Variants in TRMT9B observed in about 807,000 individuals in gnomAD.
TRMT9B encodes the protein probable tRNA methyltransferase 9B.
TRMT9B carries 16 observed loss-of-function variants against 11.5 expected under a neutral mutation model. The observed-to-expected ratio is 1.39, with a 90% CI of 0.94 to 2.11. The LOEUF (loss-of-function observed/expected upper bound fraction) is 2.11. Among genes scored for constraint, TRMT9B ranks in the 30% most tolerant of loss-of-function variants. The pLI, the probability that TRMT9B is intolerant of heterozygous loss-of-function variation, is 0.00. For missense variants in TRMT9B, 941 were observed against 553.8 expected (o/e 1.70, Z -7.02); for synonymous variants, 274 against 192.4 (o/e 1.42, Z -3.51).
chr8:12,979,860 G>C (rs1006397425), intron 1 of TRMT9B, among the ~76,000 whole-genome samples: 13 of 152,194 alleles, frequency 8.5e-5, no homozygotes, highest in African/African-American at 2.4e-4. Flanking sequence ...CTGGAATACA[G>C]TAGGGACTGT....
rs1190459686 is a variant in TRMT9B at position 13,021,721 on chromosome 8, A to T, written c.1042A>T (p.Asn348Tyr). The change falls in exon 5 of 5, where the codon AAT (asparagine) becomes TAT (tyrosine). Residue 348 changes from asparagine to tyrosine, a missense_variant. Coordinates refer to ENST00000524591, the MANE Select transcript of TRMT9B (RefSeq NM_020844.3). ...QGEMRRNGGG[N>Y]FLDSTNTGVN... ...GGAAATGAGGAGAAATGGAGGGGGA[A>T]ATTTTCTGGATAGCACTAATACTGG... 3 of 1,613,932 alleles carry T rather than the reference A, an allele frequency of 1.9e-6. No individual in the cohort carries two copies. The highest frequency in any genetic ancestry group is 2.5e-6 in the Non-Finnish European group (3 of 1,179,868).
rs192445809 is a variant in TRMT9B, at chr8:12,983,487, C to A, written c.-199-7347C>A. On this transcript the variant is annotated intron_variant, in intron 1 of 4. Coordinates refer to ENST00000524591, the MANE Select transcript of TRMT9B (RefSeq NM_020844.3). ...GAGTTTGAGACCAGCCTGACCAACA[C>A]GGTGAAATCCCATCTCTACTAAAAT... Among the ~76,000 whole-genome samples the A allele has an allele frequency of 5.3e-5, 8 of 152,132 alleles. No homozygotes were observed. The East Asian group carries it at 1.2e-3, about 22-fold the overall frequency.
At chr8:12,966,371 T>G (rs1408740988) in intron 1 of TRMT9B, among the ~76,000 whole-genome samples, 1 of 152,124 alleles carries the variant, frequency 6.6e-6, no homozygotes, top group Non-Finnish European at 1.5e-5. Flanking sequence ...CCGGAAAGCA[T>G]TGCTACTGTA....
At position 13,024,358 on chromosome 8, in the gene TRMT9B, T is replaced by C. The variant is rs1165261598; in HGVS notation, c.*2314T>C. On this transcript the variant is annotated 3_prime_UTR_variant, in exon 5 of 5. Coordinates refer to ENST00000524591, the MANE Select transcript of TRMT9B (RefSeq NM_020844.3). ...GCGCCCGGCCTGTTCCTTTTATTTC[T>C]TAATTCAGGACACTAAACCATGACT... is the stretch of plus-strand genomic sequence containing the variant. 1 of 167,074 alleles carries C rather than the reference T, an allele frequency of 6.0e-6. No homozygotes were observed. Among genetic ancestry groups the C allele is most frequent in the African/African-American group, 2.4e-5 (1 of 41,470 alleles). 10.3% of individuals were successfully genotyped at this position (167,074 alleles called of 1,614,324 possible).
rs1254769370 is a variant in TRMT9B, at chr8:13,021,184, T to C, written c.505T>C (p.Phe169Leu). Residue 169 changes from phenylalanine to leucine, a missense_variant, in exon 5 of 5, where the codon TTC (phenylalanine) becomes CTC (leucine). By Grantham distance (22) the Phe-to-Leu change is conservative (BLOSUM62 0). Transcript: ENST00000524591. ...PWNRALCSQLFSESSQSGRKR... is the reference protein window; with the variant it reads ...PWNRALCSQLLSESSQSGRKR... ...GAACAGGGCTCTGTGTTCCCAGCTC[T>C]TCTCAGAGTCCAGCCAGTCTGGGAG... 4 of 1,613,820 alleles carry C rather than the reference T, an allele frequency of 2.5e-6. No individual in the cohort carries two copies. The South Asian group carries it at 4.4e-5, about 18-fold the overall frequency.
At chr8:12,999,533 T>C (rs1413489549) in intron 2 of TRMT9B, among the ~76,000 whole-genome samples, 2 of 152,158 alleles carry the variant, frequency 1.3e-5, no homozygotes, top group Non-Finnish European at 2.9e-5. Context: ...ACTGTTAAAA[T>C]ATGATTTAAA....
Position 13,012,863 on chromosome 8 carries a change from G to A in TRMT9B, c.328+6G>A, listed in dbSNP as rs965949256. 5 of 1,612,920 alleles carry A rather than the reference G, an allele frequency of 3.1e-6. No homozygotes were observed. The East Asian group carries it at 6.7e-5, about 22-fold the overall frequency. On this transcript the variant is annotated splice_donor_region_variant and intron_variant, in intron 4 of 4. Transcript: ENST00000524591. ...TGCCATCATCTCCATAGGAGGTAAG[G>A]CAGCCAGATCACACATTCACCCTTT...
At chr8:12,975,862 A>G (rs1804364121) in intron 1 of TRMT9B, among the ~76,000 whole-genome samples, 1 of 152,206 alleles carries the variant, frequency 6.6e-6, no homozygotes, top group African/African-American at 2.4e-5. Flanking sequence ...GACAGACATT[A>G]CGGATAAAGA....
At chr8:12,988,011 C>G (rs746007830) in intron 1 of TRMT9B, among the ~76,000 whole-genome samples, 2 of 152,162 alleles carry the variant, frequency 1.3e-5, no homozygotes, top group African/African-American at 4.8e-5. Context: ...TAAAGTCAAA[C>G]CTTCATAAGT....
At chr8:13,009,106 C>T (rs1019621210) in intron 3 of TRMT9B, among the ~76,000 whole-genome samples, 4 of 152,020 alleles carry the variant, frequency 2.6e-5, no homozygotes, top group African/African-American at 7.3e-5. Flanking sequence ...TGCGACAACA[C>T]GGAGGAACCT....
At chr8:13,010,248 T>C in intron 3 of TRMT9B, 1 of 883,864 alleles carries the variant, frequency 1.1e-6, no homozygotes, top group Non-Finnish European at 1.4e-6. Flanking sequence ...TTGAATTTTG[T>C]ACTATATACA....
Position 13,028,296 on chromosome 8 carries a change from T to G in TRMT9B, c.*6252T>G, listed in dbSNP as rs1814942874. 6.0e-6 allele frequency: 1 copy of G among 167,064 alleles called. No individual in the cohort carries two copies. Among genetic ancestry groups the G allele is most frequent in the Admixed American group, 6.5e-5 (1 of 15,274 alleles). 10.3% of individuals were successfully genotyped at this position (167,064 alleles called of 1,614,324 possible). The stretch of plus-strand genomic sequence containing the variant: ...ATGGACCATTTGTAAGAGCTGTTTG[T>G]CAAATTGGATCTTCATTTGACAAAT... On this transcript the variant is annotated 3_prime_UTR_variant, in exon 5 of 5. Transcript: ENST00000524591.
At chr8:12,954,754 C>A (rs2466257) in intron 1 of TRMT9B, among the ~76,000 whole-genome samples, 131,927 of 152,290 alleles carry the variant, frequency 0.87, 57,227 homozygotes, top group Middle Eastern at 0.92. Flanking sequence ...AAGAAAGTAC[C>A]TTGCATAGAA....
At chr8:12,985,234 G>A (rs1339115862) in intron 1 of TRMT9B, among the ~76,000 whole-genome samples, 1 of 152,146 alleles carries the variant, frequency 6.6e-6, no homozygotes, top group Non-Finnish European at 1.5e-5. Context: ...TGGGATTCCA[G>A]AGAGGATCGT....
intron 1 of TRMT9B, among the ~76,000 whole-genome samples, chr8:12,977,390 C>T (rs970661484): frequency 1.3e-5 from 2 of 152,126 alleles, no homozygotes; most frequent in African/African-American, 2.4e-5. Context: ...TCACCATGAC[C>T]ATCTTATTTT....
chr8:13,010,090 A>G (rs1156757277), intron 3 of TRMT9B, among the ~76,000 whole-genome samples: 1 of 151,512 alleles, frequency 6.6e-6, no homozygotes, highest in East Asian at 1.9e-4. Flanking sequence ...GTGAGCCGAG[A>G]TGGTGCCACT....
At chr8:12,952,375 C>T (rs781286196) in intron 1 of TRMT9B, 2 of 305,148 alleles carry the variant, frequency 6.6e-6, no homozygotes, top group South Asian at 4.7e-5. Flanking sequence ...TCCTGCTCGT[C>T]CCCTGCCTTT....
chr8:13,026,809 CA>C lies in TRMT9B; in HGVS notation c.*4766del, dbSNP rs1317395336. Reference sequence around the variant, plus strand: ...CACCATATACTCCCACCCCTGGGCCCAGCTCATGTGCTTGGCGGAGTATTAG... The same window carrying C: ...CACCATATACTCCCACCCCTGGGCCCGCTCATGTGCTTGGCGGAGTATTAG... On this transcript the variant is annotated 3_prime_UTR_variant, in exon 5 of 5. Transcript: ENST00000524591. 6.0e-6 allele frequency: 1 copy of C among 167,066 alleles called. No homozygotes were observed. Among genetic ancestry groups the C allele is most frequent in the African/African-American group, 2.4e-5 (1 of 41,446 alleles). The allele number at this position is 167,066 out of a possible 1,614,324, so 10.3% of individuals were successfully genotyped here.
intron 1 of TRMT9B, among the ~76,000 whole-genome samples, chr8:12,971,575 T>C (rs765237575): frequency 8.5e-5 from 13 of 152,174 alleles, no homozygotes; most frequent in Non-Finnish European, 1.6e-4. Context: ...TAAAAAGTAT[T>C]TTGCTGGCTG....
Sources: allele counts gnomAD v4.1 joint callset (sites outside exome capture counted in the v4.1 genomes callset), GRCh38; gene constraint gnomAD v4.1.1; transcripts MANE v1.5; gene names NCBI Gene and HGNC (gene_info 2026-07-23, HGNC 2026-07-21).